ZNF782: variants seen among roughly 807,000 people sequenced by gnomAD.
ZNF782 encodes zinc finger protein 782.
In ZNF782, 12 loss-of-function variants were observed where a neutral mutation model predicts 13.0. The ratio of observed to expected loss-of-function variants is 0.92; its 90% CI spans 0.59 to 1.50. ZNF782 has a LOEUF of 1.50. ZNF782 is among the 40% of genes most tolerant of loss of function. ZNF782 has a pLI of 0.00. For synonymous variants in ZNF782, 284 were observed against 283.0 expected, an observed-to-expected ratio of 1.00 and a Z score of -0.04; for missense variants, 770 against 822.9, an observed-to-expected ratio of 0.94 and a Z score of 0.79.
Position 96,819,107 on chromosome 9 carries a change from C to A in ZNF782, c.916G>T (p.Val306Phe), listed in dbSNP as rs1431611955. The change falls in exon 6 of 6, where the codon GTT becomes TTT. Residue 306 changes from valine to phenylalanine, a missense_variant. Val to Phe is a conservative substitution (Grantham distance 50). Transcript: ENST00000481138. ...QKSHIREHHR[V>F]HIGVKPFEYG... ...TCAAAGGGTTTCACCCCTATATGAA[C>A]TCTATGATGTTCTCTAATGTGTGAC... 3 of 1,613,936 alleles carry A rather than the reference C, an allele frequency of 1.9e-6. No individual in the cohort carries two copies. Among genetic ancestry groups the A allele is most frequent in the African/African-American group, 1.3e-5 (1 of 74,926 alleles).
intron 1 of ZNF782, among the ~76,000 whole-genome samples, chr9:96,861,856 G>T (rs1319030691): frequency 6.6e-6 from 1 of 152,160 alleles, no homozygotes; most frequent in Non-Finnish European, 1.5e-5. Flanking sequence ...CAGTTTGGAG[G>T]TTCTCAAAAC....
At chr9:96,832,223 T>A (rs2118541413) in intron 4 of ZNF782, among the ~76,000 whole-genome samples, 1 of 152,350 alleles carries the variant, frequency 6.6e-6, no homozygotes, top group South Asian at 2.1e-4. Context: ...GTGTCAATAT[T>A]TTGCTGGTTG....
chr9:96,854,580 A>T (rs1248172087), upstream of ZNF782: 1 of 152,278 alleles, frequency 6.6e-6, no homozygotes, highest in African/African-American at 2.4e-5. Flanking sequence ...AACCAGACTC[A>T]TTCAGGACTA....
the ZNF782 span, chr9:96,888,133 T>G: frequency 6.6e-6 from 1 of 150,660 alleles, no homozygotes; most frequent in Non-Finnish European, 1.5e-5. Flanking sequence ...CTAACATGCA[T>G]GTTGTGCACA....
chr9:96,929,031 T>G, the ZNF782 span: 9 of 1,610,700 alleles, frequency 5.6e-6, no homozygotes, highest in Non-Finnish European at 7.6e-6. Flanking sequence ...GGGGATGGCT[T>G]CAAATGGAGG....
the ZNF782 span, chr9:96,888,168 TA>T: frequency 1.7e-5 from 2 of 120,204 alleles, no homozygotes; most frequent in African/African-American, 4.4e-5. Flanking sequence ...TACAGTATAA[TA>T]AAAAAAGAAA....
chr9:96,843,884 A>G (rs747317351), intron 4 of ZNF782, among the ~76,000 whole-genome samples: 44 of 152,216 alleles, frequency 2.9e-4, no homozygotes, highest in Non-Finnish European at 5.4e-4. Flanking sequence ...TGTAAAACAT[A>G]TATCTAATAA....
At chr9:96,893,157 AC>A in the ZNF782 span, 2 of 152,324 alleles carry the variant, frequency 1.3e-5, no homozygotes, top group African/African-American at 4.8e-5. Context: ...ATTTAAGACT[AC>A]CTGCCCCTGA....
At chr9:96,897,749 C>T in the ZNF782 span, among the ~76,000 whole-genome samples, 2 of 151,132 alleles carry the variant, frequency 1.3e-5, no homozygotes, top group African/African-American at 4.9e-5. Flanking sequence ...TAGGCTATTG[C>T]TCCATTTTCT....
intron 1 of ZNF782, among the ~76,000 whole-genome samples, chr9:96,862,586 A>T (rs889773819): frequency 6.6e-6 from 1 of 152,224 alleles, no homozygotes; most frequent in African/African-American, 2.4e-5. Context: ...CTTGTGACTA[A>T]GAAGAGACTA....
the ZNF782 span, among the ~76,000 whole-genome samples, chr9:96,881,402 A>T: frequency 1.3e-5 from 2 of 152,022 alleles, no homozygotes; most frequent in Non-Finnish European, 2.9e-5. Flanking sequence ...AATGTTCTAA[A>T]TTTCTTATAA....
chr9:96,897,066 G>C, the ZNF782 span, among the ~76,000 whole-genome samples: 7 of 152,168 alleles, frequency 4.6e-5, no homozygotes, highest in Admixed American at 2.0e-4. Context: ...GTGCAGAACA[G>C]CACTCCAACA....
intron 4 of ZNF782, among the ~76,000 whole-genome samples, chr9:96,829,200 T>TA (rs952349676): frequency 2.6e-5 from 4 of 151,128 alleles, no homozygotes; most frequent in Non-Finnish European, 5.9e-5. Context: ...CTGATTTATA[T>TA]AAAAAAATTT....
intron 5 of ZNF782, 113 bp downstream of exon 5, chr9:96,826,963 TTTTG>T (rs1458464784): frequency 3.0e-6 from 2 of 657,254 alleles, no homozygotes; most frequent in Non-Finnish European, 2.4e-6. Context: ...CTCTGCTGAT[TTTTG>T]TTTGTATTTT....
intron 3 of ZNF782, among the ~76,000 whole-genome samples, chr9:96,851,456 C>G (rs1450700878): frequency 6.6e-6 from 1 of 152,112 alleles, no homozygotes; most frequent in Non-Finnish European, 1.5e-5. Flanking sequence ...GCCCCATTTC[C>G]TTTCATGAGA....
chr9:96,931,650 C>T, the ZNF782 span: 1 of 1,572,990 alleles, frequency 6.4e-7, no homozygotes, highest in Admixed American at 1.8e-5. Flanking sequence ...TGTTGGGACT[C>T]CCCTGATTCC....
Position 96,851,939 on chromosome 9 carries a change from A to C in ZNF782, c.15+8T>G. 1.2e-6 allele frequency: 2 copies of C among 1,613,974 alleles called. No individual in the cohort carries two copies. The highest frequency in any genetic ancestry group is 2.2e-5 in the East Asian group (1 of 44,884). ...CAATACAAAGTGGGGAATGAATAAA[A>C]AGCTTACCTGAAATGTGTTCATTTT... On this transcript the variant is annotated splice_region_variant and intron_variant, in intron 3 of 5. Coordinates refer to ENST00000481138, the MANE Select transcript of ZNF782 (RefSeq NM_001001662.3).
chr9:96,874,651 G>A (rs1588178426), intron 1 of ZNF782, among the ~76,000 whole-genome samples: 2 of 152,152 alleles, frequency 1.3e-5, no homozygotes, highest in Non-Finnish European at 1.5e-5. Context: ...GCTATGCTCC[G>A]TCCTGTCTGG....
the ZNF782 span, among the ~76,000 whole-genome samples, chr9:96,906,995 A>AAT: frequency 1.3e-5 from 2 of 151,796 alleles, no homozygotes; most frequent in Non-Finnish European, 1.5e-5. Context: ...ACAAAGACCA[A>AAT]ATATATATTT....
Sources: gnomAD v4.1 joint callset for allele counts (sites outside exome capture counted in the v4.1 genomes callset) on GRCh38, gnomAD v4.1.1 for gene constraint, MANE v1.5 for transcripts, NCBI Gene and HGNC (gene_info 2026-07-23, HGNC 2026-07-21) for gene names.